SVOPL: variants seen among roughly 807,000 people sequenced by gnomAD.
SVOPL encodes the protein SVOP like.
In SVOPL, 60 loss-of-function variants were observed where a neutral mutation model predicts 61.0. That is an observed-to-expected ratio of 0.98 (90% CI 0.80 to 1.22). SVOPL has a LOEUF of 1.22. Ranked by LOEUF, SVOPL falls within the 50% of genes most tolerant of loss-of-function variation. The pLI, the probability that SVOPL is intolerant of heterozygous loss-of-function variation, is 0.00. For missense variants in SVOPL, 662 were observed against 643.9 expected (o/e 1.03, Z -0.30); for synonymous variants, 279 against 250.0 (o/e 1.12, Z -1.09).
At chr7:138,672,656 T>TTTAAAAAAAAA (rs35924408) in intron 3 of SVOPL, among the ~76,000 whole-genome samples, 3 of 118,858 alleles carry the variant, frequency 2.5e-5, no homozygotes, top group African/African-American at 1.0e-4. Flanking sequence ...TTTTTGTGTT[T>TTTAAAAAAAAA]AAAAAAAAAA....
intron 14 of SVOPL, among the ~76,000 whole-genome samples, chr7:138,614,905 C>G (rs1799223517): frequency 1.3e-5 from 2 of 152,066 alleles, no homozygotes; most frequent in African/African-American, 4.8e-5. Context: ...TTTTTGGATG[C>G]TGGACCATCT....
Position 138,596,505 on chromosome 7 carries a change from C to G in SVOPL, c.1379G>C (p.Gly460Ala). The G allele has an allele frequency of 6.2e-7, 1 of 1,613,698 alleles. No homozygotes were observed. The highest frequency in any genetic ancestry group is 1.1e-5 in the South Asian group (1 of 91,040). The change falls in exon 15 of 16, where the codon GGG becomes GCG. Residue 460 changes from glycine (G) to alanine (A), a missense_variant. Coordinates refer to ENST00000674285, the MANE Select transcript of SVOPL (RefSeq NM_001139456.2). ...GACAGATGAGAAGAGACACAGGGCCCCCAGTATTGATGCACTCATAAGAAC... is the reference window on the plus strand; with the variant it reads ...GACAGATGAGAAGAGACACAGGGCCGCCAGTATTGATGCACTCATAAGAAC... ...SQVLMSASIL[G>A]ALCLFSSVCV...
intron 2 of SVOPL, 76 bp downstream of exon 2, chr7:138,678,888 T>A: frequency 1.4e-6 from 2 of 1,450,032 alleles, no homozygotes; most frequent in Non-Finnish European, 1.9e-6. Flanking sequence ...TGACCTCACC[T>A]TTTTGCATTT....
intron 3 of SVOPL, among the ~76,000 whole-genome samples, chr7:138,675,711 A>C (rs80209868): frequency 0.021 from 3,194 of 152,062 alleles, 108 homozygotes; most frequent in African/African-American, 0.074. Flanking sequence ...ATCCCTCTAG[A>C]GTTTTCTCAC....
chr7:138,624,814 C>T (rs1799822731), intron 13 of SVOPL, among the ~76,000 whole-genome samples: 1 of 151,976 alleles, frequency 6.6e-6, no homozygotes. Context: ...CCTCCTGCCT[C>T]AGCCTCCCCT....
chr7:138,628,437 A>C, intron 10 of SVOPL, 74 bp from the exon 11 acceptor site: 1 of 1,475,888 alleles, frequency 6.8e-7, no homozygotes, highest in Non-Finnish European at 9.3e-7. Flanking sequence ...GGGGATACCA[A>C]GTGGAACGTG....
chr7:138,602,869 T>A (rs1448420849), intron 14 of SVOPL, among the ~76,000 whole-genome samples: 2 of 152,088 alleles, frequency 1.3e-5, no homozygotes, highest in African/African-American at 4.8e-5. Context: ...TGTGTTCGTG[T>A]CATCAGTCTC....
At chr7:138,654,498 TTG>T (rs1294762952) in intron 7 of SVOPL, among the ~76,000 whole-genome samples, 14 of 82,454 alleles carry the variant, frequency 1.7e-4, no homozygotes, top group African/African-American at 4.5e-4. Context: ...TTTACTGAGT[TTG>T]TTTTTTTTTT....
intron 11 of SVOPL, among the ~76,000 whole-genome samples, chr7:138,627,913 A>G (rs977142061): frequency 2.0e-5 from 3 of 152,134 alleles, no homozygotes; most frequent in African/African-American, 7.2e-5. Flanking sequence ...AATTTCAGAG[A>G]TGTTAAAATG....
Position 138,625,992 on chromosome 7 carries a change from T to C in SVOPL, c.1240A>G (p.Thr414Ala). ...ACCTCAGCTGTGTAAATGTAGACGGTGTTGAAGTTTGCAGCTACCAGAGCC... is the reference window on the plus strand; with the variant it reads ...ACCTCAGCTGTGTAAATGTAGACGGCGTTGAAGTTTGCAGCTACCAGAGCC... ...LRALVAANFNTVYIYTAEVYP... is the reference protein window; with the variant it reads ...LRALVAANFNAVYIYTAEVYP... The change falls in exon 13 of 16, where the codon ACC becomes GCC. Residue 414 changes from threonine to alanine, a missense_variant. Physicochemically the swap from Thr to Ala is moderately conservative, Grantham distance 58. Coordinates refer to ENST00000674285, the MANE Select transcript of SVOPL (RefSeq NM_001139456.2). 5.0e-6 allele frequency: 8 copies of C among 1,614,040 alleles called. No individual in the cohort carries two copies. The highest frequency in any genetic ancestry group is 5.9e-6 in the Non-Finnish European group (7 of 1,180,004).
Position 138,649,010 on chromosome 7 carries a change from A to G in SVOPL, c.660+2T>C, listed in dbSNP as rs774116489. On this transcript the variant is annotated splice_donor_variant, in intron 8 of 15. Transcript: ENST00000674285. LOFTEE classifies it high-confidence loss of function. ...AGGAAGGAGCCACAAGTGCTTCCCCACCTTGAAGGCCACGATGAGGATGAT... is the reference window on the plus strand; with the variant it reads ...AGGAAGGAGCCACAAGTGCTTCCCCGCCTTGAAGGCCACGATGAGGATGAT... 4.8e-5 allele frequency: 77 copies of G among 1,613,652 alleles called. No homozygotes were observed. Among genetic ancestry groups the G allele is most frequent in the Non-Finnish European group, 6.2e-5 (73 of 1,179,876 alleles).
In SVOPL at chr7:138,668,502, T is replaced by C. The variant is rs76497050; in HGVS notation, c.273+3517A>G. Among the ~76,000 whole-genome samples the C allele has an allele frequency of 1.4e-3, 209 of 152,212 alleles. 7 individuals carry two copies. In the South Asian group the frequency reaches 0.043, roughly 31 times the overall value. ...TGAGATTTTTGCCTCAATATCTCAT[T>C]TGGGTTAGCAAAAATCAGGGCAGAT... On this transcript the variant is annotated intron_variant, in intron 4 of 15. Coordinates refer to ENST00000674285, the MANE Select transcript of SVOPL (RefSeq NM_001139456.2).
At chr7:138,597,200 AT>A in intron 14 of SVOPL, 1 of 1,289,426 alleles carries the variant, frequency 7.8e-7, no homozygotes, top group Non-Finnish European at 1.0e-6. Context: ...TTCTCCATTA[AT>A]CTCACAACGA....
chr7:138,684,096 G>C (rs768948441), intron 1 of SVOPL, among the ~76,000 whole-genome samples: 1 of 151,676 alleles, frequency 6.6e-6, no homozygotes, highest in Middle Eastern at 3.4e-3. Context: ...CAGGTGCAGC[G>C]GCTCACGTCT....
Position 138,672,039 on chromosome 7 carries a change from G to A in SVOPL, c.253C>T (p.Gln85Ter). Residue 85 changes from glutamine to a stop codon, truncating the protein, a stop_gained, in exon 4 of 16, where the codon CAG (glutamine) becomes TAG (stop). Transcript: ENST00000674285. LOFTEE classifies it high-confidence loss of function. ...CTTACCGTGGTTACTAATGCCACCT[G>A]CCAATTCTCCAGTTGCCATTCACAG... ...IRCEWQLENWQVALVTTMVFF... is the reference protein window; with the variant it reads ...IRCEWQLENW The A allele has an allele frequency of 6.4e-7, 1 of 1,551,620 alleles. No individual in the cohort carries two copies. The highest frequency in any genetic ancestry group is 8.7e-7 in the Non-Finnish European group (1 of 1,146,964).
intron 9 of SVOPL, among the ~76,000 whole-genome samples, chr7:138,643,548 GC>G (rs776668357): frequency 6.6e-6 from 1 of 152,034 alleles, no homozygotes; most frequent in African/African-American, 2.4e-5. Context: ...GCAAAACGTG[GC>G]CTATCCATAC....
rs34598728 is a variant in SVOPL, at chr7:138,654,868, CTT to C, written c.534+1578_534+1579del. ...ACATTTTCACTTCCTGTTTCACTTC[CTT>C]TTTTTTTTTTTTTTTAAAAAAAAAA... On this transcript the variant is annotated intron_variant, in intron 7 of 15. Coordinates refer to ENST00000674285, the MANE Select transcript of SVOPL (RefSeq NM_001139456.2). Among the ~76,000 whole-genome samples the C allele has an allele frequency of 0.021, 2,897 of 135,198 alleles. 132 individuals carry two copies. In the East Asian group the frequency reaches 0.21, roughly 10 times the overall value. 88.7% of individuals were successfully genotyped at this position (135,198 alleles called of 152,430 possible).
chr7:138,658,569 C>T (rs1801857409), intron 6 of SVOPL, among the ~76,000 whole-genome samples: 1 of 152,118 alleles, frequency 6.6e-6, no homozygotes, highest in South Asian at 2.1e-4. Flanking sequence ...GAGCCACCAC[C>T]ACGCCCAGCC....
chr7:138,640,897 C>T (rs1379497244), intron 9 of SVOPL, among the ~76,000 whole-genome samples: 1 of 151,982 alleles, frequency 6.6e-6, no homozygotes, highest in Non-Finnish European at 1.5e-5. Context: ...ACACATGTAC[C>T]CCCTGAATCT....
Sources: gnomAD v4.1 joint callset for allele counts (sites outside exome capture counted in the v4.1 genomes callset) on GRCh38, gnomAD v4.1.1 for gene constraint, MANE v1.5 for transcripts, NCBI Gene and HGNC (gene_info 2026-07-23, HGNC 2026-07-21) for gene names.